CILP2: variants seen among roughly 807,000 people sequenced by gnomAD.
The protein encoded by CILP2 is CILP-2.
In CILP2, 38 loss-of-function variants were observed where a neutral mutation model predicts 45.6. The observed-to-expected ratio is 0.83, with a 90% CI of 0.64 to 1.09. The LOEUF (loss-of-function observed/expected upper bound fraction) is 1.09, where lower values mean the gene tolerates loss of function less well. CILP2 is among the 50% of genes least tolerant of loss of function. The probability of loss-of-function intolerance (pLI) is 0.00; values close to 1 mark genes in which losing one functional copy is unlikely to be tolerated. For synonymous variants in CILP2, 780 were observed against 723.5 expected, an observed-to-expected ratio of 1.08 and a Z score of -1.25; for missense variants, 1,735 against 1,662.2, an observed-to-expected ratio of 1.04 and a Z score of -0.76.
At position 19,545,591 on chromosome 19, in the gene CILP2, G is replaced by C; in HGVS notation, c.3046G>C (p.Gly1016Arg). 1 of 1,609,458 alleles carries C rather than the reference G, an allele frequency of 6.2e-7. No homozygotes were observed. The highest frequency in any genetic ancestry group is 8.5e-7 in the Non-Finnish European group (1 of 1,177,990). The change falls in exon 8 of 8, where the codon GGC (glycine) becomes CGC (arginine). Residue 1016 changes from glycine to arginine, a missense_variant. By Grantham distance (125) the Gly-to-Arg change is moderately radical. Coordinates refer to ENST00000291495, the MANE Select transcript of CILP2 (RefSeq NM_153221.2). ...GACGCTGGTGACCATTATGCCCCAGGGCAGCTGCCGGCGCGTGGCCGTCAA... is the reference window on the plus strand; with the variant it reads ...GACGCTGGTGACCATTATGCCCCAGCGCAGCTGCCGGCGCGTGGCCGTCAA... ...DRTLVTIMPQ[G>R]SCRRVAVNGL...
rs948320769 is a variant in CILP2, at chr19:19,540,141, T to C, written c.164-63T>C. ...GGGGCTGAGACAGCAAGTAAGGCCT[T>C]TGCACGCATGCATGGGGGCCTACAG... On this transcript the variant is annotated intron_variant, in intron 2 of 7. Coordinates refer to ENST00000291495, the MANE Select transcript of CILP2 (RefSeq NM_153221.2). 3 of 1,464,730 alleles carry C rather than the reference T, an allele frequency of 2.0e-6. No individual in the cohort carries two copies. In the South Asian group the frequency reaches 4.2e-5, roughly 20 times the overall value. The allele number at this position is 1,464,730 out of a possible 1,614,324, so 90.7% of individuals were successfully genotyped here.
chr19:19,539,580 A>AGGGG (rs1555729751), intron 1 of CILP2, 99 bp from the exon 2 acceptor site: 130 of 554,686 alleles, frequency 2.3e-4, no homozygotes, highest in African/African-American at 3.2e-4. Flanking sequence ...AAAAAAAAAA[A>AGGGG]GGGGGGGGAT....
In CILP2 at chr19:19,545,854, G is replaced by A. The variant is rs1413904945; in HGVS notation, c.3309G>A (p.Gln1103=). 2 of 1,586,218 alleles carry A rather than the reference G, an allele frequency of 1.3e-6. No homozygotes were observed. The highest frequency in any genetic ancestry group is 2.2e-5 in the South Asian group (2 of 89,788). Residue 1103 remains glutamine (Q), a synonymous_variant, in exon 8 of 8, where the codon CAG becomes CAA. Coordinates refer to ENST00000291495, the MANE Select transcript of CILP2 (RefSeq NM_153221.2). ...ATGCCGGCACAGCCGTCACCTTCCA[G>A]TGCCGGGAGCCACCGGCCGGACGAC... ...KADAGTAVTF[Q]CREPPAGRPS...
rs1255310158 is a variant in CILP2 at position 19,545,585 on chromosome 19, C to T, written c.3040C>T (p.Pro1014Ser). 1.2e-6 allele frequency: 2 copies of T among 1,609,952 alleles called. No homozygotes were observed. The highest frequency in any genetic ancestry group is 1.7e-6 in the Non-Finnish European group (2 of 1,178,334). The change falls in exon 8 of 8, where the codon CCC (proline) becomes TCC (serine). Residue 1014 changes from proline (P) to serine (S), a missense_variant. Coordinates refer to ENST00000291495, the MANE Select transcript of CILP2 (RefSeq NM_153221.2). ...GGACAGGACGCTGGTGACCATTATGCCCCAGGGCAGCTGCCGGCGCGTGGC... is the reference window on the plus strand; with the variant it reads ...GGACAGGACGCTGGTGACCATTATGTCCCAGGGCAGCTGCCGGCGCGTGGC... ...QVDRTLVTIM[P>S]QGSCRRVAVN...
chr19:19,540,605 C>A, intron 3 of CILP2, 129 bp downstream of exon 3: 1 of 1,087,224 alleles, frequency 9.2e-7, no homozygotes, highest in Non-Finnish European at 1.2e-6. Context: ...TGGGAAGAGC[C>A]GGGGGACCCT....
chr19:19,542,961 G>A lies in CILP2; in HGVS notation c.966G>A (p.Lys322=), dbSNP rs769379948. ...CCKASGTPMP[K]KYSWFHNGTL... The stretch of plus-strand genomic sequence containing the variant: ...AAGCCTCCGGGACCCCCATGCCCAA[G>A]AAATACTCCTGGTGAGCGCCCGCCC... The change falls in exon 6 of 8, where the codon AAG becomes AAA. Residue 322 remains lysine (K), a synonymous_variant. Transcript: ENST00000291495. The A allele has an allele frequency of 6.2e-7, 1 of 1,610,898 alleles. No individual in the cohort carries two copies. The highest frequency in any genetic ancestry group is 1.7e-5 in the Admixed American group (1 of 59,944).
In CILP2 at chr19:19,538,339, C is replaced by A; in HGVS notation, c.-11C>A. On this transcript the variant is annotated 5_prime_UTR_variant, in exon 1 of 8. It adds an upstream start codon to the 5' untranslated region. Transcript: ENST00000291495. ...GAGCCCGGACCCTCCCTCGGACGCT[C>A]TGCCCCGGCCATGGCGTCGCTGCTG... 3 of 1,576,856 alleles carry A rather than the reference C, an allele frequency of 1.9e-6. No individual in the cohort carries two copies. Among genetic ancestry groups the A allele is most frequent in the Non-Finnish European group, 2.6e-6 (3 of 1,170,016 alleles).
At position 19,545,419 on chromosome 19, in the gene CILP2, A is replaced by G. The variant is rs778585275; in HGVS notation, c.2874A>G (p.Ala958=). The G allele has an allele frequency of 4.7e-5, 75 of 1,612,478 alleles. No individual in the cohort carries two copies. The highest frequency in any genetic ancestry group is 1.7e-6 in the Non-Finnish European group (2 of 1,179,822). The change falls in exon 8 of 8, where the codon GCA becomes GCG. Residue 958 remains alanine (A), a synonymous_variant. Transcript: ENST00000291495. ...PQEYMVRSHN[A]GGSHPRTRGQ... ...AGTATATGGTCCGCTCCCACAACGCAGGGGGCAGCCACCCACGCACCCGCG... is the reference window on the plus strand; with the variant it reads ...AGTATATGGTCCGCTCCCACAACGCGGGGGGCAGCCACCCACGCACCCGCG...
Position 19,542,983 on chromosome 19 carries a change from G to T in CILP2, c.977+11G>T, listed in dbSNP as rs201408948. On this transcript the variant is annotated intron_variant, in intron 6 of 7. Coordinates refer to ENST00000291495, the MANE Select transcript of CILP2 (RefSeq NM_153221.2). ...CAAGAAATACTCCTGGTGAGCGCCC[G>T]CCCCGGGCTCAGGGGCATCTTCTGT... 26 of 1,559,564 alleles carry T rather than the reference G, an allele frequency of 1.7e-5. No homozygotes were observed. Among genetic ancestry groups the T allele is most frequent in the Middle Eastern group, 1.7e-4 (1 of 5,940 alleles).
Position 19,541,104 on chromosome 19 carries a change from C to A in CILP2, c.450C>A (p.Gly150=). ...RFRCPLEASW[G]AWGPWGPCSG... ...TGCCTTCCGCAGAAGCCTCGTGGGGCGCGTGGGGCCCGTGGGGTCCCTGCT... is the reference window on the plus strand; with the variant it reads ...TGCCTTCCGCAGAAGCCTCGTGGGGAGCGTGGGGCCCGTGGGGTCCCTGCT... The change falls in exon 4 of 8, where the codon GGC becomes GGA. Residue 150 remains glycine, a synonymous_variant. Coordinates refer to ENST00000291495, the MANE Select transcript of CILP2 (RefSeq NM_153221.2). 1 of 1,262,368 alleles carries A rather than the reference C, an allele frequency of 7.9e-7. No individual in the cohort carries two copies. Among genetic ancestry groups the A allele is most frequent in the Non-Finnish European group, 1.0e-6 (1 of 1,003,582 alleles). The allele number at this position is 1,262,368 out of a possible 1,614,324, so 78.2% of individuals were successfully genotyped here. A position where few individuals can be genotyped will look rare whatever the true frequency, so the allele number is the denominator to read the frequency against.
In CILP2 at chr19:19,540,333, C is replaced by T; in HGVS notation, c.293C>T (p.Ala98Val). 2 of 1,569,086 alleles carry T rather than the reference C, an allele frequency of 1.3e-6. No individual in the cohort carries two copies. The highest frequency in any genetic ancestry group is 8.6e-7 in the Non-Finnish European group (1 of 1,162,824). The change falls in exon 3 of 8, where the codon GCG becomes GTG. Residue 98 changes from alanine (A) to valine (V), a missense_variant. Physicochemically the swap from Ala to Val is moderately conservative, Grantham distance 64. Transcript: ENST00000291495. ...TGCCCGCGACCGCTGGCGCTGGAAG[C>T]GCGCACCACGGACTGGGCCCTGCCG... ...RVCPRPLALE[A>V]RTTDWALPSA...
At position 19,540,954 on chromosome 19, in the gene CILP2, T is replaced by A. The variant is rs551601965; in HGVS notation, c.437-137T>A. On this transcript the variant is annotated intron_variant, in intron 3 of 7. Coordinates refer to ENST00000291495, the MANE Select transcript of CILP2 (RefSeq NM_153221.2). Reference sequence around the variant, plus strand: ...GAGCATGGGTGGGGGCGATGGCAGATCTGCTCTCTGGAGTGTCCGCCCTTG... The same window carrying A: ...GAGCATGGGTGGGGGCGATGGCAGAACTGCTCTCTGGAGTGTCCGCCCTTG... 4.8e-6 allele frequency: 4 copies of A among 826,906 alleles called. No individual in the cohort carries two copies. In the South Asian group the frequency reaches 1.8e-4, roughly 37 times the overall value. 51.2% of individuals were successfully genotyped at this position (826,906 alleles called of 1,614,324 possible).
Position 19,545,301 on chromosome 19 carries a change from C to T in CILP2, c.2756C>T (p.Pro919Leu). The change falls in exon 8 of 8, where the codon CCT (proline) becomes CTT (leucine). Residue 919 changes from proline to leucine, a missense_variant. Pro to Leu is a moderately conservative substitution (Grantham distance 98). Coordinates refer to ENST00000291495, the MANE Select transcript of CILP2 (RefSeq NM_153221.2). ...GTGGTCCCCTTCCGAGAGGGCACAC[C>T]TGCCTCCTGGACTGGCGATCTCCTG... The part of the protein sequence containing the change: ...YNVVPFREGT[P>L]ASWTGDLLAW... 6.2e-7 allele frequency: 1 copy of T among 1,612,958 alleles called. No individual in the cohort carries two copies. The highest frequency in any genetic ancestry group is 8.5e-7 in the Non-Finnish European group (1 of 1,179,932).
Position 19,542,295 on chromosome 19 carries a change from GTGAC to G in CILP2, c.593-76_593-73del, listed in dbSNP as rs2061247331. The stretch of plus-strand genomic sequence containing the variant: ...GGGGGGCCCCAGGCATATTTGTTGA[GTGAC>G]TGATTGAATGGAAAGCCCTCCTCAG... On this transcript the variant is annotated intron_variant, in intron 4 of 7. Transcript: ENST00000291495. The G allele has an allele frequency of 2.7e-6, 4 of 1,502,494 alleles. No homozygotes were observed. In the South Asian group the frequency reaches 3.8e-5, roughly 14 times the overall value. The allele number at this position is 1,502,494 out of a possible 1,614,324, so 93.1% of individuals were successfully genotyped here.
At position 19,539,563 on chromosome 19, in the gene CILP2, C is replaced by CAAA. The variant is rs34962863; in HGVS notation, c.65-101_65-99dup. The CAAA allele has an allele frequency of 9.1e-3, 3,564 of 389,556 alleles. 4 individuals carry two copies. Among genetic ancestry groups the CAAA allele is most frequent in the South Asian group, 0.022 (382 of 17,326 alleles). 24.1% of individuals were successfully genotyped at this position (389,556 alleles called of 1,614,324 possible). On this transcript the variant is annotated intron_variant, in intron 1 of 7. Coordinates refer to ENST00000291495, the MANE Select transcript of CILP2 (RefSeq NM_153221.2). ...TGGGTGACAGAGGGAGATTCCGTCTCAAAAAAAAAAAAAAAAAGGGGGGGG... is the reference window on the plus strand; with the variant it reads ...TGGGTGACAGAGGGAGATTCCGTCTCAAAAAAAAAAAAAAAAAAAAGGGGGGGG...
rs781164796 is a variant in CILP2, at chr19:19,545,235, T to C, written c.2690T>C (p.Phe897Ser). The change falls in exon 8 of 8, where the codon TTC becomes TCC. Residue 897 changes from phenylalanine to serine, a missense_variant. Physicochemically the swap from Phe to Ser is radical, Grantham distance 155. Coordinates refer to ENST00000291495, the MANE Select transcript of CILP2 (RefSeq NM_153221.2). Reference sequence around the variant, plus strand: ...GGGGCCCCGGTGACTGCCAGCCACTTCCGCTTCGCCAGGGTGGAGGCGGAC... The same window carrying C: ...GGGGCCCCGGTGACTGCCAGCCACTCCCGCTTCGCCAGGGTGGAGGCGGAC... ...CQGAPVTASH[F>S]RFARVEADKY... is the part of the protein sequence containing the mutation. The C allele has an allele frequency of 6.2e-7, 1 of 1,612,350 alleles. No homozygotes were observed.
rs141241974 is a variant in CILP2, at chr19:19,542,402, C to T, written c.620C>T (p.Pro207Leu). 304 of 1,612,114 alleles carry T rather than the reference C, an allele frequency of 1.9e-4. No individual in the cohort carries two copies. The East Asian group carries it at 3.1e-3, about 16-fold the overall frequency. ...PGCSLDTCEC[P>L]DHILLGSVVT... Reference sequence around the variant, plus strand: ...TGCAGCCTTGACACCTGTGAATGCCCGGACCACATCCTCCTGGGCTCGGTG... The same window carrying T: ...TGCAGCCTTGACACCTGTGAATGCCTGGACCACATCCTCCTGGGCTCGGTG... The change falls in exon 5 of 8, where the codon CCG (proline) becomes CTG (leucine). Residue 207 changes from proline (P) to leucine (L), a missense_variant. By Grantham distance (98) the Pro-to-Leu change is moderately conservative (BLOSUM62 -3). Transcript: ENST00000291495.
In CILP2 at chr19:19,545,340, A is replaced by G. The variant is rs2061260894; in HGVS notation, c.2795A>G (p.Asn932Ser). The stretch of plus-strand genomic sequence containing the variant: ...GGCGATCTCCTGGCCTGGTGGCCCA[A>G]CCCGCAGGAGTTCCGGGCCTGCTTC... Reference protein sequence around the residue: ...WTGDLLAWWPNPQEFRACFLK... With the variant: ...WTGDLLAWWPSPQEFRACFLK... Residue 932 changes from asparagine to serine, a missense_variant, in exon 8 of 8, where the codon AAC (asparagine) becomes AGC (serine). Transcript: ENST00000291495. 12 of 1,612,308 alleles carry G rather than the reference A, an allele frequency of 7.4e-6. No homozygotes were observed. The highest frequency in any genetic ancestry group is 1.3e-5 in the African/African-American group (1 of 74,906).
chr19:19,543,662 A>G lies in CILP2; in HGVS notation c.1136-19A>G, dbSNP rs763791673. The G allele has an allele frequency of 7.0e-6, 11 of 1,575,372 alleles. No homozygotes were observed. The Admixed American group carries it at 1.4e-4, about 20-fold the overall frequency. On this transcript the variant is annotated intron_variant, in intron 7 of 7. Coordinates refer to ENST00000291495, the MANE Select transcript of CILP2 (RefSeq NM_153221.2). ...AGTCCTCCTCCCTGCCCTGACCTGC[A>G]TGTTTTCTTTGTCCCCAGCCCCAGG...
Sources: allele counts gnomAD v4.1 joint callset, GRCh38; gene constraint gnomAD v4.1.1; transcripts MANE v1.5; gene names NCBI Gene and HGNC (gene_info 2026-07-23, HGNC 2026-07-21).